Variants in MED23 observed in about 807,000 individuals in gnomAD.
MED23 encodes mediator of RNA polymerase II transcription subunit 23.
In MED23, 105 loss-of-function variants were observed where a neutral mutation model predicts 163.9. That is an observed-to-expected ratio of 0.64 (90% CI 0.55 to 0.75). MED23 has a LOEUF of 0.75. MED23 is among the 30% of genes least tolerant of loss of function. The pLI is 0.00. For synonymous variants in MED23, 561 were observed against 565.6 expected, an observed-to-expected ratio of 0.99 and a Z score of 0.12; for missense variants, 1,054 against 1,649.0, an observed-to-expected ratio of 0.64 and a Z score of 6.25.
Position 131,598,494 on chromosome 6 carries a change from C to T in MED23, c.2427-27G>A. On this transcript the variant is annotated intron_variant, in intron 19 of 28. Transcript: ENST00000368068. This position sits in a 1 kb window ranked among gnomAD's most constrained non-coding sequence, Gnocchi z 4.7. Reference sequence around the variant, plus strand: ...TGGAAGGCAGAGAGTAAAACATAAACTCCATTGTTGTATGGATACAACAAT... The same window carrying T: ...TGGAAGGCAGAGAGTAAAACATAAATTCCATTGTTGTATGGATACAACAAT... 2.5e-6 allele frequency: 4 copies of T among 1,613,970 alleles called. No homozygotes were observed. Among genetic ancestry groups the T allele is most frequent in the South Asian group, 2.2e-5 (2 of 91,064 alleles).
At chr6:131,579,896 TCTCA>T (rs1773832600) in intron 30 of MED23, among the ~76,000 whole-genome samples, 1 of 152,056 alleles carries the variant, frequency 6.6e-6, no homozygotes, top group African/African-American at 2.4e-5. Flanking sequence ...TATGTTGTGT[TCTCA>T]CTCTACAGTG....
rs1261547629 is a variant in MED23 at position 131,605,527 on chromosome 6, C to T, written c.1368-42G>A. On this transcript the variant is annotated intron_variant, in intron 13 of 28. Coordinates refer to ENST00000368068, the MANE Select transcript of MED23 (RefSeq NM_004830.4). Reference sequence around the variant, plus strand: ...CATTAAAAAGAAAAAATGAAAATAACTTCCATAATGTTAATTTGTATTTTT... The same window carrying T: ...CATTAAAAAGAAAAAATGAAAATAATTTCCATAATGTTAATTTGTATTTTT... 2.0e-6 allele frequency: 3 copies of T among 1,499,276 alleles called. No homozygotes were observed. In the African/African-American group the frequency reaches 4.2e-5, roughly 21 times the overall value. The allele number at this position is 1,499,276 out of a possible 1,614,324, so 92.9% of individuals were successfully genotyped here.
rs1264647780 is a variant in MED23 at position 131,586,785 on chromosome 6, C to T, written c.*894G>A. On this transcript the variant is annotated 3_prime_UTR_variant, in exon 29 of 29. Transcript: ENST00000368068. ...TCAGCAGACTTTACTCATTAGTTTTCAAGTCTTTCGCAATGCCAATTCCCC... is the reference window on the plus strand; with the variant it reads ...TCAGCAGACTTTACTCATTAGTTTTTAAGTCTTTCGCAATGCCAATTCCCC... The T allele has an allele frequency of 1.3e-6, 2 of 1,488,922 alleles. No homozygotes were observed. The highest frequency in any genetic ancestry group is 2.7e-5 in the East Asian group (1 of 36,484). The allele number at this position is 1,488,922 out of a possible 1,614,324, so 92.2% of individuals were successfully genotyped here.
At chr6:131,579,492 A>T (rs1336294978) in intron 30 of MED23, 1 of 492,030 alleles carries the variant, frequency 2.0e-6, no homozygotes, top group Non-Finnish European at 3.6e-6. Flanking sequence ...CTGTATTTTG[A>T]CCTAGTACAG....
At chr6:131,625,409 C>T (rs1393142687) in intron 3 of MED23, among the ~76,000 whole-genome samples, 1 of 152,076 alleles carries the variant, frequency 6.6e-6, no homozygotes, top group Non-Finnish European at 1.5e-5. Context: ...GGTGTGAATC[C>T]AATCCCTAAG....
Position 131,620,643 on chromosome 6 carries a change from G to A in MED23, c.582C>T (p.Gly194=). The A allele has an allele frequency of 6.2e-7, 1 of 1,610,802 alleles. No individual in the cohort carries two copies. The highest frequency in any genetic ancestry group is 8.5e-7 in the Non-Finnish European group (1 of 1,177,386). The part of the protein sequence containing the change: ...VTEIRKLYPE[G]KLPHWLLGNL... ...TAAAATTTACCCAGTGTGGAAGTTT[G>A]CCTTCAGGATACAGTTTCCTGATCT... Residue 194 remains glycine, a synonymous_variant, in exon 7 of 29, where the codon GGC becomes GGT. Transcript: ENST00000368068.
chr6:131,598,820 G>A lies in MED23; in HGVS notation c.2221-59C>T. On this transcript the variant is annotated intron_variant, in intron 18 of 28. Coordinates refer to ENST00000368068, the MANE Select transcript of MED23 (RefSeq NM_004830.4). This position sits in a 1 kb window ranked among gnomAD's most constrained non-coding sequence, Gnocchi z 4.7. ...TATAGTAGAAAGAGCACTGGATATG[G>A]AGTTAATAAACCAGTTCTAGACTTG... 2.7e-5 allele frequency: 41 copies of A among 1,511,886 alleles called. No individual in the cohort carries two copies. The highest frequency in any genetic ancestry group is 3.7e-5 in the Non-Finnish European group (40 of 1,088,804). 93.7% of individuals were successfully genotyped at this position (1,511,886 alleles called of 1,614,324 possible).
chr6:131,594,070 G>A (rs1050992342), intron 23 of MED23, 29 bp downstream of exon 23: 2 of 1,495,842 alleles, frequency 1.3e-6, no homozygotes, highest in East Asian at 2.3e-5. Flanking sequence ...GTTATTTCTG[G>A]GAGTCTAAAA....
chr6:131,586,712 C>T (rs1774201883), downstream of MED23: 3 of 1,406,642 alleles, frequency 2.1e-6, no homozygotes, highest in South Asian at 2.6e-5. Flanking sequence ...GGCACACAGC[C>T]GACACTCATT....
chr6:131,618,341 A>G, intron 9 of MED23, 66 bp downstream of exon 9: 2 of 1,030,678 alleles, frequency 1.9e-6, no homozygotes, highest in Non-Finnish European at 3.0e-6. Flanking sequence ...TTAGCATCAC[A>G]TATCTTATAA....
chr6:131,610,347 C>T lies in MED23; in HGVS notation c.877-101G>A, dbSNP rs574268494. The stretch of plus-strand genomic sequence containing the variant: ...AATTGTAACAAGAGGCTGAGAAGCA[C>T]GGAATGAAGTTGAACTTAAGAAGTC... On this transcript the variant is annotated intron_variant, in intron 10 of 28. Coordinates refer to ENST00000368068, the MANE Select transcript of MED23 (RefSeq NM_004830.4). The T allele has an allele frequency of 7.4e-5, 85 of 1,152,832 alleles. No homozygotes were observed. In the Middle Eastern group the frequency reaches 3.0e-3, roughly 41 times the overall value. 71.4% of individuals were successfully genotyped at this position (1,152,832 alleles called of 1,614,324 possible).
At chr6:131,603,431 A>C (rs1775627322) in intron 15 of MED23, among the ~76,000 whole-genome samples, 1 of 152,202 alleles carries the variant, frequency 6.6e-6, no homozygotes, top group Non-Finnish European at 1.5e-5. Flanking sequence ...TTGGCAATTG[A>C]TAATCATGTT....
intron 3 of MED23, among the ~76,000 whole-genome samples, chr6:131,625,692 A>AT (rs901020030): frequency 4.8e-4 from 73 of 151,940 alleles, no homozygotes; most frequent in African/African-American, 1.1e-3. Flanking sequence ...TGTTTAATGA[A>AT]TTTTTTTTTA....
At chr6:131,581,154 G>C (rs1773899966) in intron 30 of MED23, 1 of 1,525,738 alleles carries the variant, frequency 6.6e-7, no homozygotes, top group Non-Finnish European at 9.1e-7. Flanking sequence ...AGCATTGAGT[G>C]AATAATATGA....
chr6:131,591,112 C>G (rs1372776629), intron 26 of MED23, among the ~76,000 whole-genome samples: 1 of 150,930 alleles, frequency 6.6e-6, no homozygotes, highest in Non-Finnish European at 1.5e-5. Context: ...TCCCGAGTAG[C>G]TGGGGTTACA....
chr6:131,614,400 A>G (rs1438612788), intron 10 of MED23, among the ~76,000 whole-genome samples: 8 of 152,178 alleles, frequency 5.3e-5, no homozygotes, highest in Non-Finnish European at 2.9e-5. Flanking sequence ...CAGTAACGCT[A>G]TTTTATATAA....
At chr6:131,624,152 T>C (rs1431630702) in intron 4 of MED23, among the ~76,000 whole-genome samples, 1 of 152,222 alleles carries the variant, frequency 6.6e-6, no homozygotes, top group Non-Finnish European at 1.5e-5. Context: ...CCACATCTTC[T>C]TCTGAAATGT....
Position 131,610,145 on chromosome 6 carries a change from T to C in MED23, c.978A>G (p.Thr326=). Residue 326 remains threonine (T), a synonymous_variant, in exon 11 of 29, where the codon ACA becomes ACG. Coordinates refer to ENST00000368068, the MANE Select transcript of MED23 (RefSeq NM_004830.4). Reference sequence around the variant, plus strand: ...AGAGATGCTGCCACAGGAGTTGGCTTGTTCCCCCATCGTCAAACTTCTCCT... The same window carrying C: ...AGAGATGCTGCCACAGGAGTTGGCTCGTTCCCCCATCGTCAAACTTCTCCT... The part of the protein sequence containing the change: ...ETEEKFDDGG[T]SQLLWQHLSS... The C allele has an allele frequency of 6.2e-7, 1 of 1,614,048 alleles. No individual in the cohort carries two copies. Among genetic ancestry groups the C allele is most frequent in the Admixed American group, 1.7e-5 (1 of 59,994 alleles).
At chr6:131,603,277 A>AT (rs1775616283) in intron 15 of MED23, 73 bp from the exon 16 acceptor site, 1 of 1,367,736 alleles carries the variant, frequency 7.3e-7, no homozygotes, top group South Asian at 1.2e-5. Context: ...AGAAAGTCAC[A>AT]TTGAGTAAAA....
Sources: allele counts gnomAD v4.1 joint callset (sites outside exome capture counted in the v4.1 genomes callset), GRCh38; gene constraint gnomAD v4.1.1; non-coding constraint Gnocchi (gnomAD v3.1); transcripts MANE v1.5; gene names NCBI Gene and HGNC (gene_info 2026-07-23, HGNC 2026-07-21).